Variants in TTC34 observed in about 807,000 individuals in gnomAD.
TTC34 encodes tetratricopeptide repeat protein 34.
TTC34 carries 44 observed loss-of-function variants against 40.7 expected under a neutral mutation model. The observed-to-expected ratio is 1.08, with a 90% CI of 0.85 to 1.39. The LOEUF (loss-of-function observed/expected upper bound fraction) is 1.39, where lower values mean the gene tolerates loss of function less well. Ranked by LOEUF, TTC34 falls within the 40% of genes most tolerant of loss-of-function variation. TTC34 has a pLI of 0.00. For missense variants in TTC34, 884 were observed against 838.0 expected, an observed-to-expected ratio of 1.05 and a Z score of -0.68; for synonymous variants, 422 against 398.6, an observed-to-expected ratio of 1.06 and a Z score of -0.70.
chr1:2,756,709 C>T (rs1235101529), intron 6 of TTC34, among the ~76,000 whole-genome samples: 4,121 of 81,140 alleles, frequency 0.051, 875 homozygotes, highest in Non-Finnish European at 0.069. Context: ...ACCCACACCC[C>T]TAGGTGAGCA....
chr1:2,767,447 G>A (rs1641802659), intron 6 of TTC34, among the ~76,000 whole-genome samples: 2 of 147,880 alleles, frequency 1.4e-5, no homozygotes, highest in Non-Finnish European at 3.0e-5. Context: ...CTCACCTCCA[G>A]GTGAGCATCC....
intron 6 of TTC34, among the ~76,000 whole-genome samples, chr1:2,660,303 C>CTCACA (rs1639498561): frequency 7.1e-6 from 1 of 141,558 alleles, no homozygotes; most frequent in African/African-American, 2.5e-5. Context: ...TGGAACAGCA[C>CTCACA]CCTGCACCCC....
chr1:2,655,482 C>A (rs866782071), intron 6 of TTC34, among the ~76,000 whole-genome samples: 5 of 132,638 alleles, frequency 3.8e-5, no homozygotes, highest in South Asian at 2.5e-4. Context: ...TATCCTGGAA[C>A]AGCACCCACA....
At chr1:2,681,803 T>C (rs1390564086) in intron 6 of TTC34, among the ~76,000 whole-genome samples, 1 of 89,726 alleles carries the variant, frequency 1.1e-5, no homozygotes, top group East Asian at 3.1e-4. Context: ...GAGCATCTGA[T>C]GGTTTGCGGC....
intron 6 of TTC34, among the ~76,000 whole-genome samples, chr1:2,772,909 C>A (rs1322651412): frequency 1.6e-5 from 2 of 121,698 alleles, no homozygotes; most frequent in African/African-American, 6.0e-5. Flanking sequence ...CCCAGGTGAG[C>A]ATTCGACAGC....
chr1:2,752,443 A>T (rs1641353710), intron 6 of TTC34, among the ~76,000 whole-genome samples: 2 of 145,884 alleles, frequency 1.4e-5, no homozygotes, highest in African/African-American at 5.3e-5. Context: ...CTGGAACAGC[A>T]CCCTGCACCC....
chr1:2,677,525 CACA>C (rs1639951371), intron 6 of TTC34, among the ~76,000 whole-genome samples: 1 of 107,658 alleles, frequency 9.3e-6, no homozygotes, highest in Non-Finnish European at 2.0e-5. Flanking sequence ...GAGCAGCACC[CACA>C]CACCCAGGTG....
Position 2,645,718 on chromosome 1 carries a change from GCTT to G in TTC34, c.2227-158_2227-156del, listed in dbSNP as rs1340743985. 1.3e-5 allele frequency among the ~76,000 whole-genome samples: 2 copies of G among 152,116 alleles called. No individual in the cohort carries two copies. Among genetic ancestry groups the G allele is most frequent in the Non-Finnish European group, 2.9e-5 (2 of 68,010 alleles). The stretch of plus-strand genomic sequence containing the variant: ...AACACCCAGCTTCCTGCCCCTTCCT[GCTT>G]CTCTGTGGCTGCAGCCTCCTACCAT... On this transcript the variant is annotated intron_variant, in intron 6 of 8. Coordinates refer to ENST00000401095, the Ensembl canonical transcript of TTC34. The surrounding 1 kb of genome is among the most constrained non-coding windows in gnomAD (Gnocchi z 4.7).
chr1:2,642,753 G>C (rs2100985953), intron 8 of TTC34, among the ~76,000 whole-genome samples: 1 of 152,332 alleles, frequency 6.6e-6, no homozygotes, highest in Non-Finnish European at 1.5e-5. Flanking sequence ...CTCCCCCGGG[G>C]GGCGCAGCGC....
intron 6 of TTC34, among the ~76,000 whole-genome samples, chr1:2,650,783 C>G (rs1047754515): frequency 1.3e-5 from 2 of 149,424 alleles, no homozygotes; most frequent in Non-Finnish European, 3.0e-5. Context: ...TCAGCTCTCC[C>G]CCATGCAAGG....
At chr1:2,695,814 C>A (rs1569625071) in intron 6 of TTC34, among the ~76,000 whole-genome samples, 1 of 139,276 alleles carries the variant, frequency 7.2e-6, no homozygotes, top group Non-Finnish European at 1.6e-5. Context: ...GAGCATCTGA[C>A]AGCCTGGAAC....
chr1:2,690,457 CA>C (rs1640566503), intron 6 of TTC34, among the ~76,000 whole-genome samples: 2 of 144,082 alleles, frequency 1.4e-5, no homozygotes, highest in African/African-American at 2.8e-5. Context: ...ACAGCACCCA[CA>C]ACCACAGGTG....
At chr1:2,767,341 C>A (rs1553162959) in intron 6 of TTC34, among the ~76,000 whole-genome samples, 1 of 39,768 alleles carries the variant, frequency 2.5e-5, no homozygotes, top group East Asian at 1.2e-3. Flanking sequence ...AGCATCTGAC[C>A]GCATGGAATG....
chr1:2,753,097 C>A (rs1386062378), intron 6 of TTC34, among the ~76,000 whole-genome samples: 172 of 142,884 alleles, frequency 1.2e-3, no homozygotes, highest in Admixed American at 1.7e-3. Flanking sequence ...AACCACACCC[C>A]CAGGCGAGCA....
At chr1:2,768,542 G>A (rs556618263) in intron 6 of TTC34, among the ~76,000 whole-genome samples, 79 of 151,268 alleles carry the variant, frequency 5.2e-4, no homozygotes, top group Middle Eastern at 3.4e-3. Flanking sequence ...CCCCACAACT[G>A]CAGGTGAGCA....
intron 6 of TTC34, among the ~76,000 whole-genome samples, chr1:2,648,901 G>T (rs1384220488): frequency 1.4e-5 from 2 of 145,250 alleles, no homozygotes; most frequent in East Asian, 4.3e-4. Flanking sequence ...GCATCTGACA[G>T]CCAAGGATGG....
intron 6 of TTC34, among the ~76,000 whole-genome samples, chr1:2,772,968 G>T (rs1642502493): frequency 8.6e-5 from 11 of 128,470 alleles, no homozygotes; most frequent in Non-Finnish European, 1.6e-5. Context: ...GCCTGGAGCA[G>T]CATGCACACC....
chr1:2,660,771 AG>A (rs1639522053), intron 6 of TTC34, among the ~76,000 whole-genome samples: 1 of 136,732 alleles, frequency 7.3e-6, no homozygotes, highest in African/African-American at 3.0e-5. Flanking sequence ...AGCATCTGAC[AG>A]ACTGGAGCAG....
At chr1:2,756,670 CA>C (rs1641516968) in intron 6 of TTC34, among the ~76,000 whole-genome samples, 1 of 142,196 alleles carries the variant, frequency 7.0e-6, no homozygotes, top group Non-Finnish European at 1.6e-5. Context: ...CCCACACCCC[CA>C]GGTGAGCAGC....
Sources: gnomAD v4.1 joint callset for allele counts (sites outside exome capture counted in the v4.1 genomes callset) on GRCh38, gnomAD v4.1.1 for gene constraint, Gnocchi (gnomAD v3.1) non-coding constraint, MANE v1.5 for transcripts, NCBI Gene and HGNC (gene_info 2026-07-23, HGNC 2026-07-21) for gene names.